ACTN2: variants seen among roughly 807,000 people sequenced by gnomAD.
The protein encoded by ACTN2 is actinin alpha 2, also known as alpha-actinin-2.
In ACTN2, 39 loss-of-function variants were observed where a neutral mutation model predicts 113.8. That is an observed-to-expected ratio of 0.34 (90% CI 0.27 to 0.45). The LOEUF is 0.45. Ranked by LOEUF, ACTN2 falls within the 20% of genes least tolerant of loss-of-function variation. The probability of loss-of-function intolerance (pLI) is 1.00; values close to 1 mark genes in which losing one functional copy is unlikely to be tolerated. For missense variants in ACTN2, 992 were observed against 1,177.9 expected (o/e 0.84, Z 2.31); for synonymous variants, 429 against 444.1 (o/e 0.97, Z 0.43).
chr1:236,731,954 G>C (rs926189800), intron 7 of ACTN2, among the ~76,000 whole-genome samples: 1 of 152,210 alleles, frequency 6.6e-6, no homozygotes, highest in African/African-American at 2.4e-5. Flanking sequence ...ACCTACAGCA[G>C]ACCACTGAAA....
chr1:236,736,980 G>T, intron 8 of ACTN2, 142 bp from the exon 9 acceptor site: 1 of 697,128 alleles, frequency 1.4e-6, no homozygotes, highest in South Asian at 1.5e-5. Context: ...CATGCCTTCA[G>T]TCTGACCGCA....
rs373709019 is a variant in ACTN2, at chr1:236,744,702, C to G, written c.1332C>G (p.His444Gln). 4.3e-6 allele frequency: 7 copies of G among 1,614,164 alleles called. No homozygotes were observed. The highest frequency in any genetic ancestry group is 5.9e-6 in the Non-Finnish European group (7 of 1,180,038). ...LTEVRALLRK[H>Q]EAFESDLAAH... Reference sequence around the variant, plus strand: ...AGGTGCGGGCTCTGCTGCGGAAGCACGAGGCGTTCGAGAGCGACCTGGCAG... The same window carrying G: ...AGGTGCGGGCTCTGCTGCGGAAGCAGGAGGCGTTCGAGAGCGACCTGGCAG... Residue 444 changes from histidine to glutamine, a missense_variant, in exon 12 of 21, where the codon CAC becomes CAG. Physicochemically the swap from His to Gln is conservative, Grantham distance 24. Coordinates refer to ENST00000366578, the MANE Select transcript of ACTN2 (RefSeq NM_001103.4).
At chr1:236,686,845 C>A in intron 1 of ACTN2, 46 bp downstream of exon 1, 1 of 1,353,786 alleles carries the variant, frequency 7.4e-7, no homozygotes, top group South Asian at 2.0e-5. Context: ...GGGCCGGGTC[C>A]CCCGCGGGGC....
At chr1:236,732,713 G>T (rs1211800451) in intron 7 of ACTN2, among the ~76,000 whole-genome samples, 1 of 152,092 alleles carries the variant, frequency 6.6e-6, no homozygotes, top group Non-Finnish European at 1.5e-5. Flanking sequence ...AAAGTGCACG[G>T]ATTACAGACA....
intron 18 of ACTN2, among the ~76,000 whole-genome samples, chr1:236,758,303 A>ATTTTTTTTTTTTT (rs1349813845): frequency 1.5e-5 from 2 of 135,914 alleles, no homozygotes; most frequent in African/African-American, 3.2e-5. Flanking sequence ...TTTTTTTTTA[A>ATTTTTTTTTTTTT]TGAGACGGAG....
At chr1:236,742,819 A>G in intron 10 of ACTN2, 77 bp from the exon 11 acceptor site, 1 of 1,574,002 alleles carries the variant, frequency 6.4e-7, no homozygotes, top group Non-Finnish European at 8.7e-7. Flanking sequence ...AGGGATTTAT[A>G]GAAGAAGCCT....
intron 1 of ACTN2, among the ~76,000 whole-genome samples, chr1:236,715,106 A>G (rs549178060): frequency 6.6e-6 from 1 of 152,030 alleles, no homozygotes; most frequent in African/African-American, 2.4e-5. Context: ...CAAAGGTGAG[A>G]GGATGGATTT....
chr1:236,690,845 A>G (rs1186847749), intron 1 of ACTN2, among the ~76,000 whole-genome samples: 1 of 149,918 alleles, frequency 6.7e-6, no homozygotes, highest in African/African-American at 2.5e-5. Flanking sequence ...AACCATCACC[A>G]CTCTGTGTCT....
chr1:236,716,099 C>CTTT (rs74259944), intron 1 of ACTN2, among the ~76,000 whole-genome samples: 3 of 118,134 alleles, frequency 2.5e-5, no homozygotes, highest in Non-Finnish European at 3.5e-5. Context: ...CCTTCTTCTT[C>CTTT]TTTTTTTTTT....
chr1:236,753,937 G>A lies in ACTN2; in HGVS notation c.1840-10G>A, dbSNP rs1287403917. ...GGCCTCTAACCCTTGTTGTCCTTGG[G>A]CCCTGACAGGTGAAGCAACTCGTGC... On this transcript the variant is annotated splice_polypyrimidine_tract_variant and intron_variant, in intron 15 of 20. Transcript: ENST00000366578. 6 of 1,612,970 alleles carry A rather than the reference G, an allele frequency of 3.7e-6. No individual in the cohort carries two copies. The South Asian group carries it at 6.6e-5, about 18-fold the overall frequency.
intron 1 of ACTN2, among the ~76,000 whole-genome samples, chr1:236,712,704 A>G (rs1300216685): frequency 6.6e-6 from 1 of 151,988 alleles, no homozygotes; most frequent in Non-Finnish European, 1.5e-5. Context: ...TTTCAAACAG[A>G]CTTTCTGTGG....
intron 1 of ACTN2, 61 bp from the exon 2 acceptor site, chr1:236,717,797 G>C: frequency 8.4e-7 from 1 of 1,190,460 alleles, no homozygotes; most frequent in Non-Finnish European, 1.2e-6. Context: ...AGTGTCGTCT[G>C]TGAGGAAGGG....
intron 12 of ACTN2, among the ~76,000 whole-genome samples, chr1:236,745,956 GATC>G (rs1312584815): frequency 6.6e-6 from 1 of 152,074 alleles, no homozygotes; most frequent in Non-Finnish European, 1.5e-5. Context: ...GAGGTCAGGA[GATC>G]AAGACCATCC....
chr1:236,736,907 T>C (rs1182526561), intron 8 of ACTN2: 1 of 614,660 alleles, frequency 1.6e-6, no homozygotes, highest in Non-Finnish European at 2.9e-6. Flanking sequence ...CTAATCAGCC[T>C]GCCGTGTAAG....
At chr1:236,752,878 G>GACA in intron 15 of ACTN2, among the ~76,000 whole-genome samples, 1 of 152,208 alleles carries the variant, frequency 6.6e-6, no homozygotes, top group South Asian at 2.1e-4. Context: ...TTTAAAGTGA[G>GACA]ACAAACTTTT....
chr1:236,709,648 G>A (rs1343970717), intron 1 of ACTN2, among the ~76,000 whole-genome samples: 1 of 152,026 alleles, frequency 6.6e-6, no homozygotes. Context: ...GAAAGGAAAT[G>A]ATATGCAACT....
In ACTN2 at chr1:236,686,704, A is replaced by G; in HGVS notation, c.31A>G (p.Asn11Asp). The G allele has an allele frequency of 6.4e-7, 1 of 1,566,958 alleles. No individual in the cohort carries two copies. Among genetic ancestry groups the G allele is most frequent in the Non-Finnish European group, 8.6e-7 (1 of 1,156,520 alleles). The part of the protein sequence containing the change: MNQIEPGVQY[N>D]YVYDEDEYMI... ...CCAGATAGAGCCCGGCGTGCAGTAC[A>G]ACTACGTGTACGACGAGGATGAGTA... Residue 11 changes from asparagine to aspartate, a missense_variant, in exon 1 of 21, where the codon AAC becomes GAC. Physicochemically the swap from Asn to Asp is conservative, Grantham distance 23 (BLOSUM62 1). This residue lies in a region of ACTN2 where 36 missense variants were observed against 25.0 expected (regional missense o/e 1.44). Coordinates refer to ENST00000366578, the MANE Select transcript of ACTN2 (RefSeq NM_001103.4).
chr1:236,721,066 C>T (rs1156954853), intron 4 of ACTN2, among the ~76,000 whole-genome samples: 2 of 97,994 alleles, frequency 2.0e-5, no homozygotes, highest in African/African-American at 7.3e-5. Flanking sequence ...CTCACTCTGG[C>T]ACCCAGGCTG....
At chr1:236,697,016 T>C (rs561474089) in intron 1 of ACTN2, among the ~76,000 whole-genome samples, 8 of 152,228 alleles carry the variant, frequency 5.3e-5, no homozygotes, top group Non-Finnish European at 1.2e-4. Flanking sequence ...ATAGCCAGGC[T>C]GTAAAACTGA....
Sources: allele counts gnomAD v4.1 joint callset (sites outside exome capture counted in the v4.1 genomes callset), GRCh38; gene constraint gnomAD v4.1.1; regional missense constraint gnomAD v4.1.1; transcripts MANE v1.5; gene names NCBI Gene and HGNC (gene_info 2026-07-23, HGNC 2026-07-21).